The following RBFOX1 variants were observed in gnomAD, a reference collection of about 807,000 sequenced individuals.
RBFOX1 encodes the protein RNA binding fox-1 homolog 1, also known as RNA binding protein fox-1 homolog 1.
In RBFOX1, 8 loss-of-function variants were observed where a neutral mutation model predicts 57.7. The observed-to-expected ratio is 0.14, with a 90% CI of 0.08 to 0.25. The LOEUF is 0.25. Among genes scored for constraint, RBFOX1 ranks in the 10% least tolerant of loss-of-function variants. The pLI, the probability that RBFOX1 is intolerant of heterozygous loss-of-function variation, is 1.00. For synonymous variants in RBFOX1, 326 were observed against 222.4 expected (o/e 1.47, Z -4.15); for missense variants, 611 against 548.5 (o/e 1.11, Z -1.14).
chr16:6,999,118 C>G (rs1341254675), intron 3 of RBFOX1, among the ~76,000 whole-genome samples: 2 of 151,610 alleles, frequency 1.3e-5, no homozygotes, highest in East Asian at 3.8e-4. Flanking sequence ...ATCCGCCCGC[C>G]TCTGCCTCCC....
intron 4 of RBFOX1, among the ~76,000 whole-genome samples, chr16:7,334,502 G>C (rs4516245): frequency 0.15 from 22,874 of 152,016 alleles, 2,690 homozygotes; most frequent in African/African-American, 0.34. Context: ...AATAATTACA[G>C]GCAAATCGTG....
intron 1 of RBFOX1, among the ~76,000 whole-genome samples, chr16:5,310,605 C>T (rs1051064049): frequency 1.3e-5 from 2 of 152,170 alleles, no homozygotes; most frequent in Admixed American, 1.3e-4. Flanking sequence ...GCTACACCCA[C>T]ATACAATTGT....
chr16:6,745,432 C>T (rs761335307), intron 3 of RBFOX1, among the ~76,000 whole-genome samples: 3 of 152,032 alleles, frequency 2.0e-5, no homozygotes, highest in Admixed American at 6.5e-5. Flanking sequence ...TCTATTGACA[C>T]ATGAAAAGGA....
At chr16:7,407,011 G>A (rs1297016219) in intron 4 of RBFOX1, among the ~76,000 whole-genome samples, 3 of 152,100 alleles carry the variant, frequency 2.0e-5, no homozygotes, top group African/African-American at 7.2e-5. Context: ...TGAGTATGCT[G>A]ACTAACCCTA....
chr16:5,770,397 G>A (rs1484209032), intron 3 of RBFOX1, among the ~76,000 whole-genome samples: 2 of 152,148 alleles, frequency 1.3e-5, no homozygotes, highest in African/African-American at 2.4e-5. Context: ...GTAACACCTG[G>A]AAGTTACCTT....
At chr16:5,421,511 G>A (rs1001525683) in intron 1 of RBFOX1, among the ~76,000 whole-genome samples, 1 of 152,134 alleles carries the variant, frequency 6.6e-6, no homozygotes, top group African/African-American at 2.4e-5. Flanking sequence ...AGGATGTCAT[G>A]AGTCTCAGGA....
intron 4 of RBFOX1, among the ~76,000 whole-genome samples, chr16:7,053,598 C>A (rs978043431): frequency 1.3e-5 from 2 of 152,162 alleles, no homozygotes; most frequent in Non-Finnish European, 2.9e-5. Context: ...ATGACACTTG[C>A]TTGGCAAGTT....
intron 3 of RBFOX1, among the ~76,000 whole-genome samples, chr16:6,878,457 C>A (rs146181282): frequency 6.6e-6 from 1 of 152,318 alleles, no homozygotes; most frequent in Admixed American, 6.5e-5. Flanking sequence ...CAACACCACC[C>A]TGTCTCTTAC....
At chr16:6,376,816 G>T (rs886442544) in intron 2 of RBFOX1, among the ~76,000 whole-genome samples, 3 of 152,128 alleles carry the variant, frequency 2.0e-5, no homozygotes, top group Non-Finnish European at 4.4e-5. Context: ...TTCTTCAAAG[G>T]ACCCAGGGAA....
intron 4 of RBFOX1, among the ~76,000 whole-genome samples, chr16:5,950,185 G>A (rs537912400): frequency 6.6e-6 from 1 of 152,144 alleles, no homozygotes; most frequent in East Asian, 1.9e-4. Context: ...AAAGTGTGAG[G>A]CCTCTTGTTA....
At chr16:6,413,077 T>C (rs1195763254) in intron 2 of RBFOX1, among the ~76,000 whole-genome samples, 1 of 152,230 alleles carries the variant, frequency 6.6e-6, no homozygotes, top group Non-Finnish European at 1.5e-5. Flanking sequence ...CCCAGCACTT[T>C]GGGAGGCCAA....
intron 4 of RBFOX1, among the ~76,000 whole-genome samples, chr16:7,360,692 T>C (rs1387672399): frequency 2.0e-5 from 3 of 152,222 alleles, no homozygotes; most frequent in Non-Finnish European, 2.9e-5. Flanking sequence ...GGATCTGTTG[T>C]AAATCTTCTC....
intron 3 of RBFOX1, among the ~76,000 whole-genome samples, chr16:5,659,165 A>G (rs529856275): frequency 2.0e-5 from 3 of 152,150 alleles, no homozygotes; most frequent in South Asian, 2.1e-4. Flanking sequence ...CCATGCCAAC[A>G]TCTACTGTTT....
chr16:7,547,581 G>C (rs1273174053), intron 5 of RBFOX1, among the ~76,000 whole-genome samples: 1 of 152,224 alleles, frequency 6.6e-6, no homozygotes, highest in African/African-American at 2.4e-5. Flanking sequence ...TTAATAGTCA[G>C]TTGACCACAC....
At chr16:6,819,748 T>G (rs1260347610) in intron 3 of RBFOX1, among the ~76,000 whole-genome samples, 10 of 123,606 alleles carry the variant, frequency 8.1e-5, no homozygotes, top group African/African-American at 9.7e-5. Flanking sequence ...CACCAAAAGG[T>G]ATATAGTATA....
chr16:5,691,470 C>A (rs1003464210), intron 3 of RBFOX1, among the ~76,000 whole-genome samples: 1 of 152,186 alleles, frequency 6.6e-6, no homozygotes, highest in African/African-American at 2.4e-5. Context: ...ATTCAATGTT[C>A]ATGGCAACTT....
intron 4 of RBFOX1, among the ~76,000 whole-genome samples, chr16:7,088,515 T>A (rs531289768): frequency 6.8e-6 from 1 of 147,802 alleles, no homozygotes; most frequent in South Asian, 2.3e-4. Context: ...TCTGGCTTTC[T>A]GATAAATACT....
chr16:7,540,105 TTGG>T (rs1414723524), intron 5 of RBFOX1, among the ~76,000 whole-genome samples: 3 of 152,222 alleles, frequency 2.0e-5, no homozygotes, highest in Non-Finnish European at 4.4e-5. Context: ...ATGTGCCTCA[TTGG>T]TGGTGGGATT....
intron 4 of RBFOX1, among the ~76,000 whole-genome samples, chr16:7,484,841 C>G (rs1330128236): frequency 6.6e-6 from 1 of 152,120 alleles, no homozygotes; most frequent in Non-Finnish European, 1.5e-5. Context: ...CCTCTGGGCT[C>G]TGTTTTTTCT....
Sources: allele counts gnomAD v4.1 joint callset (sites outside exome capture counted in the v4.1 genomes callset), GRCh38; gene constraint gnomAD v4.1.1; transcripts MANE v1.5; gene names NCBI Gene and HGNC (gene_info 2026-07-23, HGNC 2026-07-21).